LGR4: variants seen among roughly 807,000 people sequenced by gnomAD.
The protein encoded by LGR4 is leucine rich repeat containing G protein-coupled receptor 4, also known as leucine-rich repeat-containing G protein-coupled receptor 4.
Under a neutral mutation model 84.8 loss-of-function variants are expected in LGR4, and 44 were observed. The observed-to-expected ratio is 0.52, with a 90% confidence interval of 0.41 to 0.67. The LOEUF is 0.67. LGR4 is among the 30% of genes least tolerant of loss of function. The pLI is 0.00. For synonymous variants in LGR4, 429 were observed against 434.3 expected, an observed-to-expected ratio of 0.99 and a Z score of 0.15; for missense variants, 1,032 against 1,131.4, an observed-to-expected ratio of 0.91 and a Z score of 1.26.
intron 1 of LGR4, 45 bp from the exon 2 acceptor site, chr11:27,412,905 A>C: frequency 7.9e-7 from 1 of 1,268,586 alleles, no homozygotes; most frequent in Non-Finnish European, 1.1e-6. Context: ...AGTGGTATGA[A>C]GCTTAAAGTA....
chr11:27,450,742 C>T (rs928500923), intron 1 of LGR4, among the ~76,000 whole-genome samples: 1 of 152,056 alleles, frequency 6.6e-6, no homozygotes, highest in African/African-American at 2.4e-5. Flanking sequence ...GAGCTGAGAT[C>T]GCGCCATTGC....
At chr11:27,441,913 A>C (rs1348127026) in intron 1 of LGR4, among the ~76,000 whole-genome samples, 1 of 152,236 alleles carries the variant, frequency 6.6e-6, no homozygotes, top group Non-Finnish European at 1.5e-5. Flanking sequence ...CCAACAGACA[A>C]GCCAGTAGAT....
intron 1 of LGR4, among the ~76,000 whole-genome samples, chr11:27,421,618 T>C (rs1863925451): frequency 6.6e-6 from 1 of 152,160 alleles, no homozygotes; most frequent in Non-Finnish European, 1.5e-5. Context: ...TGGCTTAAAT[T>C]ACAAATTCTT....
chr11:27,396,412 A>C lies in LGR4; in HGVS notation c.258-3894T>G, dbSNP rs528711866. ...TACAGTGCCATCCTTCCCATAGCCA[A>C]AGATGACCAGCAAGAGGGGCTGAGA... On this transcript the variant is annotated intron_variant, in intron 2 of 17. Coordinates refer to ENST00000379214, the MANE Select transcript of LGR4 (RefSeq NM_018490.5). Among the ~76,000 whole-genome samples the C allele has an allele frequency of 1.6e-4, 24 of 152,330 alleles. No individual in the cohort carries two copies. In the South Asian group the frequency reaches 4.6e-3, roughly 29 times the overall value.
At position 27,366,161 on chromosome 11, in the gene LGR4, GAT is replaced by G. The variant is rs1193276786; in HGVS notation, c.*1704_*1705del. ...CCAAGTTATGATTTAATATTTATCAGATGTGTAAATATACATGATAGCAATTT... is the reference window on the plus strand; with the variant it reads ...CCAAGTTATGATTTAATATTTATCAGGTGTAAATATACATGATAGCAATTT... On this transcript the variant is annotated 3_prime_UTR_variant, in exon 18 of 18. Transcript: ENST00000379214. 1.3e-5 allele frequency: 2 copies of G among 152,516 alleles called. No individual in the cohort carries two copies. The highest frequency in any genetic ancestry group is 2.9e-5 in the Non-Finnish European group (2 of 67,974). The allele number at this position is 152,516 out of a possible 1,614,324, so 9.4% of individuals were successfully genotyped here. A position where few individuals can be genotyped will look rare whatever the true frequency, so the allele number is the denominator to read the frequency against.
intron 1 of LGR4, among the ~76,000 whole-genome samples, chr11:27,436,677 T>G (rs1864217446): frequency 6.6e-6 from 1 of 152,182 alleles, no homozygotes; most frequent in South Asian, 2.1e-4. Flanking sequence ...AAAGATATTT[T>G]CTATAAGCCC....
At chr11:27,442,210 G>A (rs193295376) in intron 1 of LGR4, among the ~76,000 whole-genome samples, 1 of 152,256 alleles carries the variant, frequency 6.6e-6, no homozygotes, top group Admixed American at 6.5e-5. Flanking sequence ...ATTAAGAAGA[G>A]GAGTGGGAAA....
chr11:27,444,840 C>G (rs575630693), intron 1 of LGR4, among the ~76,000 whole-genome samples: 6 of 152,298 alleles, frequency 3.9e-5, no homozygotes, highest in African/African-American at 1.2e-4. Context: ...TTCCCTCCCC[C>G]TCTCACAAGT....
In LGR4 at chr11:27,371,622, A is replaced by G. The variant is rs758639575; in HGVS notation, c.1572T>C (p.Pro524=). ...EHSQIIIHCT[P]STGAFKPCEY... ...AAAATAGGCCAGGCATACCTGTTGA[A>G]GGTGTACAATGGATAATTATTTGAC... is the stretch of plus-strand genomic sequence containing the variant. The change falls in exon 17 of 18, where the codon CCT becomes CCC. Residue 524 remains proline (P), a synonymous_variant. Transcript: ENST00000379214. The G allele has an allele frequency of 6.2e-7, 1 of 1,610,080 alleles. No individual in the cohort carries two copies. The highest frequency in any genetic ancestry group is 8.5e-7 in the Non-Finnish European group (1 of 1,177,282).
chr11:27,412,445 CTTGGTAACA>C (rs1863729223), intron 2 of LGR4, among the ~76,000 whole-genome samples: 1 of 152,088 alleles, frequency 6.6e-6, no homozygotes, highest in African/African-American at 2.4e-5. Context: ...ATAGCAACTC[CTTGGTAACA>C]ATGGTAATTA....
At chr11:27,410,854 G>A (rs1490261023) in intron 2 of LGR4, among the ~76,000 whole-genome samples, 1 of 152,040 alleles carries the variant, frequency 6.6e-6, no homozygotes, top group African/African-American at 2.4e-5. Flanking sequence ...TTGCTACAAA[G>A]AATCAGCAGT....
chr11:27,378,667 T>A (rs1448266424), intron 11 of LGR4, 30 bp downstream of exon 11: 1 of 1,436,802 alleles, frequency 7.0e-7, no homozygotes, highest in Non-Finnish European at 9.8e-7. Flanking sequence ...ACAAAAGGTA[T>A]GAGGGGAAGG....
intron 1 of LGR4, among the ~76,000 whole-genome samples, chr11:27,458,418 C>T (rs1864612884): frequency 6.6e-6 from 1 of 152,030 alleles, no homozygotes; most frequent in Non-Finnish European, 1.5e-5. Context: ...ATGGTGGTCA[C>T]ATGACTGTAT....
intron 1 of LGR4, among the ~76,000 whole-genome samples, chr11:27,416,777 A>C (rs1863827937): frequency 6.6e-6 from 1 of 152,220 alleles, no homozygotes; most frequent in South Asian, 2.1e-4. Flanking sequence ...AAATACCAGC[A>C]GTCATTGATT....
At chr11:27,421,346 T>C (rs749598134) in intron 1 of LGR4, among the ~76,000 whole-genome samples, 33 of 152,202 alleles carry the variant, frequency 2.2e-4, no homozygotes, top group Non-Finnish European at 3.5e-4. Context: ...GCCCATTTGC[T>C]TGTGTTAGCA....
intron 1 of LGR4, among the ~76,000 whole-genome samples, chr11:27,450,974 C>T (rs1015674682): frequency 2.0e-5 from 3 of 152,118 alleles, no homozygotes; most frequent in African/African-American, 7.2e-5. Context: ...ATGTAATGAT[C>T]TATATACTAC....
intron 1 of LGR4, among the ~76,000 whole-genome samples, chr11:27,427,495 G>A (rs1333960803): frequency 6.6e-6 from 1 of 152,152 alleles, no homozygotes; most frequent in Non-Finnish European, 1.5e-5. Flanking sequence ...AACCTAGAAA[G>A]ATAACCCAGG....
chr11:27,415,182 C>G (rs569740349), intron 1 of LGR4, among the ~76,000 whole-genome samples: 10 of 152,150 alleles, frequency 6.6e-5, no homozygotes, highest in African/African-American at 2.4e-4. Context: ...TGTAAAATAT[C>G]AGACAGTTTT....
At chr11:27,431,454 CT>C (rs2133421555) in intron 1 of LGR4, among the ~76,000 whole-genome samples, 1 of 152,314 alleles carries the variant, frequency 6.6e-6, no homozygotes, top group East Asian at 1.9e-4. Context: ...TTTCTAACCC[CT>C]AGCCCAACAC....
Sources: allele counts gnomAD v4.1 joint callset (sites outside exome capture counted in the v4.1 genomes callset), GRCh38; gene constraint gnomAD v4.1.1; transcripts MANE v1.5; gene names NCBI Gene and HGNC (gene_info 2026-07-23, HGNC 2026-07-21).